ANKS1B: variants seen among roughly 807,000 people sequenced by gnomAD.
ANKS1B encodes the protein ankyrin repeat and sterile alpha motif domain-containing protein 1B.
Under a neutral mutation model 148.3 loss-of-function variants are expected in ANKS1B, and 36 were observed. That is an observed-to-expected ratio of 0.24 (90% CI 0.19 to 0.32). The LOEUF is 0.32. Among genes scored for constraint, ANKS1B ranks in the 10% least tolerant of loss-of-function variants. The pLI is 1.00. For synonymous variants in ANKS1B, 542 were observed against 560.8 expected, an observed-to-expected ratio of 0.97 and a Z score of 0.47; for missense variants, 1,157 against 1,542.6, an observed-to-expected ratio of 0.75 and a Z score of 4.19.
At chr12:98,847,662 C>G (rs995363926) in intron 17 of ANKS1B, among the ~76,000 whole-genome samples, 3 of 152,076 alleles carry the variant, frequency 2.0e-5, no homozygotes, top group African/African-American at 7.2e-5. Flanking sequence ...GTGGAGAGAT[C>G]TTGGCTCACT....
At chr12:99,891,840 T>C (rs1023927816) in intron 1 of ANKS1B, among the ~76,000 whole-genome samples, 2 of 152,162 alleles carry the variant, frequency 1.3e-5, no homozygotes, top group Non-Finnish European at 2.9e-5. Context: ...GAATAATTTA[T>C]AGATGAAATA....
intron 12 of ANKS1B, among the ~76,000 whole-genome samples, chr12:99,296,769 G>A (rs1242856180): frequency 2.6e-5 from 4 of 152,186 alleles, no homozygotes; most frequent in South Asian, 2.1e-4. Context: ...TTTGATAAGC[G>A]GATACTAAAT....
At chr12:99,185,669 A>T (rs1453147092) in intron 14 of ANKS1B, among the ~76,000 whole-genome samples, 1 of 151,956 alleles carries the variant, frequency 6.6e-6, no homozygotes, top group Non-Finnish European at 1.5e-5. Flanking sequence ...TAGCCAAGGG[A>T]AGCCATGAGG....
intron 17 of ANKS1B, among the ~76,000 whole-genome samples, chr12:98,875,581 G>C (rs571534237): frequency 1.4e-3 from 207 of 152,174 alleles, no homozygotes; most frequent in African/African-American, 4.2e-3. Context: ...AAGCCTTCCT[G>C]GTTTCTTTCT....
chr12:99,583,628 A>G (rs2097592685), intron 9 of ANKS1B, among the ~76,000 whole-genome samples: 1 of 152,204 alleles, frequency 6.6e-6, no homozygotes, highest in African/African-American at 2.4e-5. Context: ...ATATAAGCAA[A>G]GATAAATTCA....
Position 99,555,748 on chromosome 12 carries a change from G to C in ANKS1B, c.1273-51107C>G, listed in dbSNP as rs187603134. Among the ~76,000 whole-genome samples, 3 of 152,054 alleles carry C rather than the reference G, an allele frequency of 2.0e-5. No homozygotes were observed. The South Asian group carries it at 6.2e-4, about 31-fold the overall frequency. ...TATATGGCAAATCATATTTATTTGC[G>C]TATGTTGAGCCAACCTTGTATTCCA... On this transcript the variant is annotated intron_variant, in intron 9 of 26. Coordinates refer to ENST00000683438, the MANE Select transcript of ANKS1B (RefSeq NM_001352186.2).
Position 99,273,121 on chromosome 12 carries a change from G to T in ANKS1B, c.1757-26257C>A, listed in dbSNP as rs1420232346. On this transcript the variant is annotated intron_variant, in intron 12 of 26. Coordinates refer to ENST00000683438, the MANE Select transcript of ANKS1B (RefSeq NM_001352186.2). ...GGTGCAGATTGCATTTCTTGAGTAG[G>T]GCTCCATCTTATTGGAGTTGTTCAC... 3.3e-5 allele frequency among the ~76,000 whole-genome samples: 5 copies of T among 152,086 alleles called. No individual in the cohort carries two copies. In the East Asian group the frequency reaches 9.6e-4, roughly 29 times the overall value.
intron 9 of ANKS1B, among the ~76,000 whole-genome samples, chr12:99,612,650 A>G (rs142632062): frequency 6.6e-6 from 1 of 152,184 alleles, no homozygotes; most frequent in African/African-American, 2.4e-5. Flanking sequence ...TATTTTTAGG[A>G]TAAAATCAAC....
Position 99,613,850 on chromosome 12 carries a change from C to T in ANKS1B, c.1272+41217G>A, listed in dbSNP as rs1047757087. 4.6e-5 allele frequency among the ~76,000 whole-genome samples: 7 copies of T among 151,810 alleles called. 1 individual carries two copies. The highest frequency in any genetic ancestry group is 7.4e-5 in the Non-Finnish European group (5 of 67,946). On this transcript the variant is annotated intron_variant, in intron 9 of 26. Transcript: ENST00000683438. ...ACCTGCACATCCTGTACATGCACCC[C>T]TAAACTTAAAAATAAAGTCAAAATA... is the stretch of plus-strand genomic sequence containing the variant.
chr12:99,503,297 A>G (rs1018667900), intron 10 of ANKS1B, among the ~76,000 whole-genome samples: 3 of 152,188 alleles, frequency 2.0e-5, no homozygotes, highest in African/African-American at 7.2e-5. Context: ...CTTAAGATCT[A>G]GCTCTTACTT....
At chr12:98,807,431 A>C (rs755328979) in intron 20 of ANKS1B, among the ~76,000 whole-genome samples, 8 of 152,186 alleles carry the variant, frequency 5.3e-5, no homozygotes, top group African/African-American at 1.2e-4. Flanking sequence ...ATCTTTGAGA[A>C]TCATTAGACA....
chr12:99,879,401 T>C (rs1363251478), intron 1 of ANKS1B, among the ~76,000 whole-genome samples: 1 of 152,226 alleles, frequency 6.6e-6, no homozygotes, highest in Non-Finnish European at 1.5e-5. Flanking sequence ...ACGTTTCATA[T>C]GCAGCAGAGA....
In ANKS1B at chr12:99,217,778, G is replaced by T. The variant is rs561518283; in HGVS notation, c.2419+26564C>A. Among the ~76,000 whole-genome samples, 9 of 152,240 alleles carry T rather than the reference G, an allele frequency of 5.9e-5. No homozygotes were observed. In the East Asian group the frequency reaches 1.7e-3, roughly 29 times the overall value. On this transcript the variant is annotated intron_variant, in intron 14 of 26. Transcript: ENST00000683438. ...ATGTAAGTTGTTGAGTGACTACTGT[G>T]TAAGTGTCCCATTTTAGGGATTACC...
chr12:99,179,683 A>G (rs2078881089), intron 14 of ANKS1B, among the ~76,000 whole-genome samples: 1 of 152,092 alleles, frequency 6.6e-6, no homozygotes, highest in South Asian at 2.1e-4. Flanking sequence ...ACCATGGGAA[A>G]AACTCTCTAT....
At chr12:99,520,284 G>A (rs1288045502) in intron 9 of ANKS1B, among the ~76,000 whole-genome samples, 2 of 152,026 alleles carry the variant, frequency 1.3e-5, no homozygotes. Context: ...CCTTAGCTTT[G>A]GTTTGTCTGG....
Position 99,381,664 on chromosome 12 carries a change from G to A in ANKS1B, c.1756+17967C>T, listed in dbSNP as rs892720843. Among the ~76,000 whole-genome samples, 10 of 152,178 alleles carry A rather than the reference G, an allele frequency of 6.6e-5. 1 individual carries two copies. The highest frequency in any genetic ancestry group is 5.2e-4 in the Admixed American group (8 of 15,280). ...TAACTGAGACTTCAGTGCAAGAGTGGAGTAATTTTCAGGAATGACTGAGAG... is the reference window on the plus strand; with the variant it reads ...TAACTGAGACTTCAGTGCAAGAGTGAAGTAATTTTCAGGAATGACTGAGAG... On this transcript the variant is annotated intron_variant, in intron 12 of 26. Coordinates refer to ENST00000683438, the MANE Select transcript of ANKS1B (RefSeq NM_001352186.2).
intron 11 of ANKS1B, among the ~76,000 whole-genome samples, chr12:99,404,170 T>C (rs80207731): frequency 4.1e-5 from 6 of 145,704 alleles, no homozygotes; most frequent in Non-Finnish European, 9.1e-5. Flanking sequence ...CTGGGCCTAT[T>C]GGAGAGTGGA....
chr12:99,415,755 C>T, intron 11 of ANKS1B, among the ~76,000 whole-genome samples: 1 of 150,448 alleles, frequency 6.6e-6, no homozygotes, highest in East Asian at 2.0e-4. Flanking sequence ...GAGATCTCGG[C>T]TCACGGCAAG....
intron 15 of ANKS1B, among the ~76,000 whole-genome samples, chr12:99,094,775 A>G (rs1456141102): frequency 1.3e-5 from 2 of 152,218 alleles, no homozygotes; most frequent in Non-Finnish European, 2.9e-5. Context: ...AAATAAGACA[A>G]TACAGAGACT....
Sources: gnomAD v4.1 joint callset for allele counts (sites outside exome capture counted in the v4.1 genomes callset) on GRCh38, gnomAD v4.1.1 for gene constraint, MANE v1.5 for transcripts, NCBI Gene and HGNC (gene_info 2026-07-23, HGNC 2026-07-21) for gene names.